The following ARHGAP19 variants were observed in gnomAD, a reference collection of about 807,000 sequenced individuals.
ARHGAP19 encodes Rho GTPase activating protein 19.
Under a neutral mutation model 60.9 loss-of-function variants are expected in ARHGAP19, and 48 were observed. The observed-to-expected ratio is 0.79, with a 90% CI of 0.62 to 1.00. ARHGAP19 has a LOEUF of 1.00. Ranked by LOEUF, ARHGAP19 falls within the 50% of genes least tolerant of loss-of-function variation. ARHGAP19 has a pLI of 0.00. For synonymous variants in ARHGAP19, 209 were observed against 215.5 expected (o/e 0.97, Z 0.27); for missense variants, 562 against 597.2 (o/e 0.94, Z 0.61).
intron 6 of ARHGAP19, among the ~76,000 whole-genome samples, chr10:97,253,024 G>A (rs1053534567): frequency 6.6e-6 from 1 of 152,080 alleles, no homozygotes; most frequent in Non-Finnish European, 1.5e-5. Flanking sequence ...GGAACCGGAG[G>A]CTATTAAGTG....
At position 97,263,406 on chromosome 10, in the gene ARHGAP19, C is replaced by T; in HGVS notation, c.613+14G>A. On this transcript the variant is annotated intron_variant, in intron 4 of 11. Coordinates refer to ENST00000358531, the MANE Select transcript of ARHGAP19 (RefSeq NM_032900.6). ...GAAATGTATTTACATCTCCTTCTTA[C>T]TTCCTATACTCACCAGCGATTTTGA... The T allele has an allele frequency of 6.2e-7, 1 of 1,612,606 alleles. No individual in the cohort carries two copies.
At chr10:97,248,887 G>A (rs1388019960) in intron 6 of ARHGAP19, among the ~76,000 whole-genome samples, 4 of 151,922 alleles carry the variant, frequency 2.6e-5, no homozygotes, top group African/African-American at 2.4e-5. Flanking sequence ...GCATAATCTC[G>A]GCTCAGTGCA....
In ARHGAP19 at chr10:97,226,604, A is replaced by G. The variant is rs569372065; in HGVS notation, c.1475-472T>C. Among the ~76,000 whole-genome samples, 3 of 152,354 alleles carry G rather than the reference A, an allele frequency of 2.0e-5. No homozygotes were observed. In the South Asian group the frequency reaches 6.2e-4, roughly 32 times the overall value. On this transcript the variant is annotated intron_variant, in intron 11 of 11. Transcript: ENST00000358531. ...TGTTTACTAAAAGCCGACTCAGCACAAGGCACTGTCATTTTTCGGAAGATG... is the reference window on the plus strand; with the variant it reads ...TGTTTACTAAAAGCCGACTCAGCACGAGGCACTGTCATTTTTCGGAAGATG...
At chr10:97,228,259 T>A (rs920913835) in intron 11 of ARHGAP19, among the ~76,000 whole-genome samples, 1 of 152,226 alleles carries the variant, frequency 6.6e-6, no homozygotes, top group African/African-American at 2.4e-5. Context: ...TATGCTCATA[T>A]CCCAGTGATA....
At chr10:97,291,526 T>G (rs1450867411) in intron 1 of ARHGAP19, among the ~76,000 whole-genome samples, 1 of 152,130 alleles carries the variant, frequency 6.6e-6, no homozygotes, top group Non-Finnish European at 1.5e-5. Flanking sequence ...ACTCCTGATC[T>G]CAGGTGATCC....
chr10:97,278,868 T>C (rs974269140), intron 1 of ARHGAP19, among the ~76,000 whole-genome samples: 7 of 151,962 alleles, frequency 4.6e-5, no homozygotes, highest in Non-Finnish European at 8.8e-5. Flanking sequence ...ATACCAAAAC[T>C]GCATACCCAC....
chr10:97,286,551 C>A (rs1274258353), intron 1 of ARHGAP19, among the ~76,000 whole-genome samples: 1 of 152,216 alleles, frequency 6.6e-6, no homozygotes, highest in Non-Finnish European at 1.5e-5. Context: ...ACGATTGCGC[C>A]ACTGCACTCC....
intron 5 of ARHGAP19, chr10:97,256,646 A>G (rs1417175204): frequency 2.8e-6 from 1 of 354,814 alleles, no homozygotes; most frequent in Non-Finnish European, 5.1e-6. Flanking sequence ...TTCTGCTTGA[A>G]AATTAGACAT....
chr10:97,231,022 ACTC>A, intron 9 of ARHGAP19, among the ~76,000 whole-genome samples: 2 of 28,502 alleles, frequency 7.0e-5, no homozygotes, highest in African/African-American at 1.3e-4. Context: ...ATGCCACTGC[ACTC>A]CAGCCTGCAC....
At chr10:97,274,284 T>G (rs1842996891) in intron 1 of ARHGAP19, among the ~76,000 whole-genome samples, 1 of 151,994 alleles carries the variant, frequency 6.6e-6, no homozygotes, top group Non-Finnish European at 1.5e-5. Context: ...GCCAACATGG[T>G]GAAACCCCGT....
Position 97,266,058 on chromosome 10 carries a change from G to C in ARHGAP19, c.124C>G (p.Pro42Ala), listed in dbSNP as rs1374502173. 3.7e-6 allele frequency: 6 copies of C among 1,614,150 alleles called. No homozygotes were observed. Among genetic ancestry groups the C allele is most frequent in the Non-Finnish European group, 4.2e-6 (5 of 1,180,028 alleles). Residue 42 changes from proline to alanine, a missense_variant, in exon 2 of 12, where the codon CCT becomes GCT. Coordinates refer to ENST00000358531, the MANE Select transcript of ARHGAP19 (RefSeq NM_032900.6). ...CGGAGTTTCTCCACAAAAAAGTCAG[G>C]ATTAAAGATAATGGGCTGACCTCGA... is the stretch of plus-strand genomic sequence containing the variant. Reference protein sequence around the residue: ...SLRGQPIIFNPDFFVEKLRHE... With the variant: ...SLRGQPIIFNADFFVEKLRHE...
rs1850830650 is a variant in ARHGAP19 at position 97,222,930 on chromosome 10, CACGTTCCCAGTGA to C, written c.*3179_*3191del. The C allele has an allele frequency of 6.6e-6, 1 of 152,166 alleles. No individual in the cohort carries two copies. The highest frequency in any genetic ancestry group is 2.1e-4 in the South Asian group (1 of 4,830). The allele number at this position is 152,166 out of a possible 1,614,324, so 9.4% of individuals were successfully genotyped here. A position where few individuals can be genotyped will look rare whatever the true frequency, so the allele number is the denominator to read the frequency against. On this transcript the variant is annotated 3_prime_UTR_variant, in exon 12 of 12. Transcript: ENST00000358531. ...GGTTGCATGGCCAGTCACTGTGGGGCACGTTCCCAGTGACCACAGGTTCTCCTAGACGGCAGTA... is the reference window on the plus strand; with the variant it reads ...GGTTGCATGGCCAGTCACTGTGGGGCCCACAGGTTCTCCTAGACGGCAGTA...
At chr10:97,260,394 G>A (rs1479167267) in intron 4 of ARHGAP19, among the ~76,000 whole-genome samples, 1 of 151,736 alleles carries the variant, frequency 6.6e-6, no homozygotes, top group African/African-American at 2.4e-5. Flanking sequence ...GCCCAGCATG[G>A]TGGTGGGCGC....
intron 6 of ARHGAP19, among the ~76,000 whole-genome samples, chr10:97,253,592 T>C (rs1180654622): frequency 6.6e-6 from 1 of 152,164 alleles, no homozygotes; most frequent in Non-Finnish European, 1.5e-5. Context: ...AGCATGACTA[T>C]AGTTAACAAC....
intron 1 of ARHGAP19, among the ~76,000 whole-genome samples, chr10:97,268,895 C>T (rs1377346686): frequency 6.6e-6 from 1 of 152,196 alleles, no homozygotes; most frequent in African/African-American, 2.4e-5. Flanking sequence ...AGAGCAGACA[C>T]ATAGTTTGTA....
At chr10:97,270,461 T>C in intron 1 of ARHGAP19, 1 of 571,212 alleles carries the variant, frequency 1.8e-6, no homozygotes, top group South Asian at 3.0e-5. Flanking sequence ...AAGCTAAAAA[T>C]ATCAAGAAAC....
At chr10:97,257,908 A>G (rs1300352230) in intron 5 of ARHGAP19, among the ~76,000 whole-genome samples, 1 of 152,132 alleles carries the variant, frequency 6.6e-6, no homozygotes, top group Non-Finnish European at 1.5e-5. Context: ...CTTGTGGGGT[A>G]TGTAGTAAAG....
At chr10:97,262,200 T>G (rs987186318) in intron 4 of ARHGAP19, among the ~76,000 whole-genome samples, 2 of 137,242 alleles carry the variant, frequency 1.5e-5, no homozygotes, top group African/African-American at 2.9e-5. Context: ...AAAAAAAATT[T>G]TTTTTTTTTT....
In ARHGAP19 at chr10:97,246,271, C is replaced by A; in HGVS notation, c.993+1G>T. ...GGTTAAGAGCAGATTCCTATTCTTA[C>A]CTTTGATGCCTGAGTTCTGGATCCC... On this transcript the variant is annotated splice_donor_variant, in intron 7 of 11. Transcript: ENST00000358531. LOFTEE classifies it high-confidence loss of function. The A allele has an allele frequency of 6.2e-7, 1 of 1,613,060 alleles. No homozygotes were observed. The highest frequency in any genetic ancestry group is 1.1e-5 in the South Asian group (1 of 91,042).
Sources: gnomAD v4.1 joint callset for allele counts (sites outside exome capture counted in the v4.1 genomes callset) on GRCh38, gnomAD v4.1.1 for gene constraint, MANE v1.5 for transcripts, NCBI Gene and HGNC (gene_info 2026-07-23, HGNC 2026-07-21) for gene names.